Variants in GPM6A observed in about 807,000 individuals in gnomAD.
GPM6A encodes glycoprotein M6A.
In GPM6A, 7 loss-of-function variants were observed where a neutral mutation model predicts 32.1. That is an observed-to-expected ratio of 0.22 (90% CI 0.12 to 0.41). GPM6A has a LOEUF of 0.41. GPM6A is among the 10% of genes least tolerant of loss of function. The pLI is 1.00. For synonymous variants in GPM6A, 130 were observed against 123.4 expected (o/e 1.05, Z -0.35); for missense variants, 235 against 347.2 (o/e 0.68, Z 2.57).
At chr4:175,782,669 G>A (rs572658306) in intron 1 of GPM6A, among the ~76,000 whole-genome samples, 1 of 152,148 alleles carries the variant, frequency 6.6e-6, no homozygotes, top group East Asian at 1.9e-4. Context: ...TTACAGATAA[G>A]TTGTTACTAC....
chr4:175,724,667 G>C (rs1387814286), intron 1 of GPM6A, among the ~76,000 whole-genome samples: 6 of 152,116 alleles, frequency 3.9e-5, no homozygotes, highest in Non-Finnish European at 7.4e-5. Context: ...TATGTTATTT[G>C]TTAATGAATA....
chr4:175,962,381 C>A lies in GPM6A; in HGVS notation c.-23+39928G>T, dbSNP rs575939328. ...CATCTAGCTCCCTGTTGCTGAGAGA[C>A]CACTCCACCCTCACCAAGAACACTC... On this transcript the variant is annotated intron_variant, in intron 1 of 7. Transcript: ENST00000280187. 12 of 746,912 alleles carry A rather than the reference C, an allele frequency of 1.6e-5. No individual in the cohort carries two copies. In the East Asian group the frequency reaches 3.1e-4, roughly 19 times the overall value. The allele number at this position is 746,912 out of a possible 1,614,324, so 46.3% of individuals were successfully genotyped here.
At chr4:175,733,872 A>C (rs1396524320) in intron 1 of GPM6A, among the ~76,000 whole-genome samples, 7 of 152,168 alleles carry the variant, frequency 4.6e-5, no homozygotes, top group Non-Finnish European at 1.0e-4. Flanking sequence ...ACGATAATTT[A>C]ACAATTAGTT....
At chr4:175,739,379 T>C (rs1731790692) in intron 1 of GPM6A, among the ~76,000 whole-genome samples, 1 of 152,114 alleles carries the variant, frequency 6.6e-6, no homozygotes, top group Non-Finnish European at 1.5e-5. Flanking sequence ...GTTTCAGACA[T>C]GAGATCTGCC....
intron 4 of GPM6A, among the ~76,000 whole-genome samples, chr4:175,648,666 T>G (rs1203228859): frequency 6.6e-6 from 1 of 152,182 alleles, no homozygotes; most frequent in African/African-American, 2.4e-5. Context: ...AGCAGCTTCC[T>G]TTCCTATTCC....
intron 1 of GPM6A, among the ~76,000 whole-genome samples, chr4:175,779,183 C>T (rs1733515299): frequency 6.6e-6 from 1 of 152,158 alleles, no homozygotes; most frequent in Non-Finnish European, 1.5e-5. Flanking sequence ...CCTGTGAGCA[C>T]TGCAGTTTCT....
chr4:175,656,150 T>C (rs1742072996), intron 3 of GPM6A, among the ~76,000 whole-genome samples: 1 of 152,124 alleles, frequency 6.6e-6, no homozygotes, highest in African/African-American at 2.4e-5. Flanking sequence ...AGTAAAATGC[T>C]GACTAAATCC....
intron 1 of GPM6A, among the ~76,000 whole-genome samples, chr4:175,897,737 A>G (rs969157213): frequency 1.3e-5 from 2 of 152,172 alleles, no homozygotes; most frequent in Non-Finnish European, 2.9e-5. Flanking sequence ...TTATTCTAAA[A>G]TCTCTCCCAG....
chr4:175,888,857 CAT>C (rs1737544407), intron 1 of GPM6A, among the ~76,000 whole-genome samples: 1 of 151,966 alleles, frequency 6.6e-6, no homozygotes, highest in African/African-American at 2.4e-5. Context: ...AATACGGTAA[CAT>C]AAAGATCTAC....
rs947247579 is a variant in GPM6A at position 175,737,939 on chromosome 4, T to C, written c.38-36172A>G. Among the ~76,000 whole-genome samples, 10 of 116,224 alleles carry C rather than the reference T, an allele frequency of 8.6e-5. No individual in the cohort carries two copies. In the East Asian group the frequency reaches 1.7e-3, roughly 19 times the overall value. The allele number at this position is 116,224 out of a possible 152,430, so 76.2% of individuals were successfully genotyped here. ...ATCTAAACATCTCCCACTAGGTCCC[T>C]TTTTTTTTTTTTTTTGAAGTGGAGT... On this transcript the variant is annotated intron_variant, in intron 1 of 6. Coordinates refer to ENST00000393658, the MANE Select transcript of GPM6A (RefSeq NM_201591.3).
intron 1 of GPM6A, among the ~76,000 whole-genome samples, chr4:175,980,053 T>C (rs570224840): frequency 2.0e-5 from 3 of 152,302 alleles, no homozygotes; most frequent in African/African-American, 7.2e-5. Flanking sequence ...ATATCTTCAA[T>C]CCATACAACA....
At chr4:175,836,059 C>A (rs1315548901) in intron 1 of GPM6A, among the ~76,000 whole-genome samples, 2 of 152,040 alleles carry the variant, frequency 1.3e-5, no homozygotes, top group African/African-American at 4.8e-5. Flanking sequence ...CTCAGCCTGG[C>A]AGCCACTTCC....
chr4:175,748,526 G>A (rs187209053), intron 1 of GPM6A, among the ~76,000 whole-genome samples: 1 of 152,162 alleles, frequency 6.6e-6, no homozygotes, highest in Non-Finnish European at 1.5e-5. Context: ...ATTTTTTTCT[G>A]AGCAGTAGGT....
At chr4:175,954,248 T>C (rs192976064) in intron 1 of GPM6A, among the ~76,000 whole-genome samples, 63 of 152,310 alleles carry the variant, frequency 4.1e-4, no homozygotes, top group Admixed American at 7.8e-4. Flanking sequence ...CAACAGTCAC[T>C]TGTGGCTAAG....
At chr4:175,799,713 G>A (rs969792095) in intron 1 of GPM6A, among the ~76,000 whole-genome samples, 2 of 121,554 alleles carry the variant, frequency 1.6e-5, no homozygotes, top group African/African-American at 5.7e-5. Context: ...TGTCGCCCAG[G>A]CCGGACTGCG....
intron 1 of GPM6A, among the ~76,000 whole-genome samples, chr4:175,725,532 T>A (rs952229022): frequency 1.3e-5 from 2 of 152,020 alleles, no homozygotes; most frequent in African/African-American, 2.4e-5. Context: ...CCTCAAGAGA[T>A]CCTCCCATCT....
chr4:175,763,029 C>T (rs888151414), intron 1 of GPM6A, among the ~76,000 whole-genome samples: 2 of 152,014 alleles, frequency 1.3e-5, no homozygotes, highest in African/African-American at 4.8e-5. Flanking sequence ...GTTCTAAAAA[C>T]CACTGAATTG....
chr4:175,714,231 C>T (rs902395808), intron 1 of GPM6A, among the ~76,000 whole-genome samples: 4 of 151,938 alleles, frequency 2.6e-5, no homozygotes, highest in Non-Finnish European at 4.4e-5. Flanking sequence ...TTTGATAAAC[C>T]AGGATATGCA....
chr4:175,900,731 A>C (rs2111490476), intron 1 of GPM6A, among the ~76,000 whole-genome samples: 1 of 152,304 alleles, frequency 6.6e-6, no homozygotes, highest in East Asian at 1.9e-4. Context: ...CAGAAACCTA[A>C]AAATAGAGCT....
Sources: gnomAD v4.1 joint callset for allele counts (sites outside exome capture counted in the v4.1 genomes callset) on GRCh38, gnomAD v4.1.1 for gene constraint, MANE v1.5 for transcripts, NCBI Gene and HGNC (gene_info 2026-07-23, HGNC 2026-07-21) for gene names.